DPP6: variants seen among roughly 807,000 people sequenced by gnomAD.
DPP6 encodes dipeptidyl peptidase like 6, also known as A-type potassium channel modulatory protein DPP6.
In DPP6, 69 loss-of-function variants were observed where a neutral mutation model predicts 122.6. The observed-to-expected ratio is 0.56, with a 90% CI of 0.46 to 0.69. The LOEUF (loss-of-function observed/expected upper bound fraction) is 0.69. Among genes scored for constraint, DPP6 ranks in the 30% least tolerant of loss-of-function variants. The pLI, the probability that DPP6 is intolerant of heterozygous loss-of-function variation, is 0.00. For synonymous variants in DPP6, 418 were observed against 433.1 expected, an observed-to-expected ratio of 0.97 and a Z score of 0.43; for missense variants, 928 against 1,116.9, an observed-to-expected ratio of 0.83 and a Z score of 2.41.
chr7:153,925,439 G>A (rs1392347763), intron 1 of DPP6, among the ~76,000 whole-genome samples: 5 of 151,834 alleles, frequency 3.3e-5, no homozygotes, highest in Admixed American at 2.0e-4. Flanking sequence ...ATCCTGCATG[G>A]TGGAAGGTCC....
chr7:154,465,055 A>G (rs1563714530), intron 2 of DPP6, among the ~76,000 whole-genome samples: 4 of 152,242 alleles, frequency 2.6e-5, no homozygotes, highest in Non-Finnish European at 1.5e-5. Context: ...AGTTACATGA[A>G]TGTGTTATCT....
At chr7:153,859,773 G>T in the DPP6 span, among the ~76,000 whole-genome samples, 7 of 152,332 alleles carry the variant, frequency 4.6e-5, no homozygotes, top group South Asian at 1.4e-3. Flanking sequence ...TTATGATCAT[G>T]GCAGAAGGCA....
intron 1 of DPP6, among the ~76,000 whole-genome samples, chr7:153,901,658 G>T (rs1481410181): frequency 6.6e-6 from 1 of 152,174 alleles, no homozygotes; most frequent in Non-Finnish European, 1.5e-5. Context: ...TGTTCAATAG[G>T]GTTATACCCT....
At chr7:154,834,663 G>A (rs149916592) in intron 16 of DPP6, among the ~76,000 whole-genome samples, 6 of 152,340 alleles carry the variant, frequency 3.9e-5, no homozygotes, top group Non-Finnish European at 7.4e-5. Context: ...GAGCAGAAGC[G>A]CTAAAGCGTA....
chr7:153,840,509 T>C, the DPP6 span, among the ~76,000 whole-genome samples: 1 of 152,010 alleles, frequency 6.6e-6, no homozygotes, highest in Non-Finnish European at 1.5e-5. Context: ...CTGCTCTGGA[T>C]GCTTTAACCA....
chr7:154,486,383 C>T lies in DPP6; in HGVS notation c.457+11346C>T, dbSNP rs1823800303. 6.6e-6 allele frequency among the ~76,000 whole-genome samples: 1 copy of T among 152,128 alleles called. No homozygotes were observed. The highest frequency in any genetic ancestry group is 6.5e-5 in the Admixed American group (1 of 15,276). The stretch of plus-strand genomic sequence containing the variant: ...TACTGACCTCGTGATCTGCCTACCT[C>T]GACCACCTAAAGTGCTGGGATTACG... On this transcript the variant is annotated intron_variant, in intron 3 of 25. Coordinates refer to ENST00000377770, the MANE Select transcript of DPP6 (RefSeq NM_130797.4). This position sits in a 1 kb window ranked among gnomAD's most constrained non-coding sequence, Gnocchi z 4.5.
At chr7:154,861,765 C>G (rs770550169) in intron 17 of DPP6, among the ~76,000 whole-genome samples, 9 of 152,154 alleles carry the variant, frequency 5.9e-5, no homozygotes, top group Non-Finnish European at 1.0e-4. Flanking sequence ...AGTTCATGAG[C>G]ACACCTGACT....
chr7:154,297,437 A>G (rs1157108605), intron 1 of DPP6, among the ~76,000 whole-genome samples: 1 of 152,222 alleles, frequency 6.6e-6, no homozygotes, highest in Non-Finnish European at 1.5e-5. Context: ...TTAGATGCTC[A>G]TGCACTTGCT....
intron 3 of DPP6, among the ~76,000 whole-genome samples, chr7:154,476,733 C>A (rs985846412): frequency 6.6e-6 from 1 of 152,076 alleles, no homozygotes; most frequent in Non-Finnish European, 1.5e-5. Flanking sequence ...TTGGGGGAAC[C>A]AAAACCAAGC....
chr7:154,552,792 T>G (rs2130389633), intron 4 of DPP6, among the ~76,000 whole-genome samples: 1 of 152,324 alleles, frequency 6.6e-6, no homozygotes, highest in South Asian at 2.1e-4. Flanking sequence ...GTTGTCCTTT[T>G]CATTGGAGGG....
chr7:154,846,631 C>G (rs76682429), intron 16 of DPP6, among the ~76,000 whole-genome samples: 2,001 of 152,276 alleles, frequency 0.013, 45 homozygotes, highest in African/African-American at 0.045. Context: ...GCAGTCTTAC[C>G]CGTGTGCAAA....
the DPP6 span, among the ~76,000 whole-genome samples, chr7:153,768,297 G>A: frequency 3.8e-3 from 577 of 149,998 alleles, 6 homozygotes; most frequent in African/African-American, 0.013. Context: ...TAAAGGAGAG[G>A]GTACCATATG....
At chr7:154,034,777 C>T (rs1358732640) in intron 1 of DPP6, among the ~76,000 whole-genome samples, 1 of 151,024 alleles carries the variant, frequency 6.6e-6, no homozygotes, top group Non-Finnish European at 1.5e-5. Context: ...TTCAATTGCA[C>T]TTGTGTTTCC....
chr7:154,255,774 C>T (rs1802619106), intron 1 of DPP6, among the ~76,000 whole-genome samples: 2 of 152,182 alleles, frequency 1.3e-5, no homozygotes, highest in Non-Finnish European at 1.5e-5. Context: ...AATGCTTTGA[C>T]ACTTAGAAGA....
chr7:153,923,206 A>G (rs998055047), intron 1 of DPP6, among the ~76,000 whole-genome samples: 2 of 152,192 alleles, frequency 1.3e-5, no homozygotes, highest in African/African-American at 4.8e-5. Flanking sequence ...CATCCTTAGA[A>G]TCCCAGTCTC....
At chr7:154,127,597 TCACACACA>T (rs71182879) in intron 1 of DPP6, among the ~76,000 whole-genome samples, 19,263 of 134,902 alleles carry the variant, frequency 0.14, 1,652 homozygotes, top group East Asian at 0.33. Context: ...GAGCAGCATC[TCACACACA>T]CACACACACA....
At chr7:154,389,353 T>C (rs923762607) in intron 1 of DPP6, among the ~76,000 whole-genome samples, 1 of 152,168 alleles carries the variant, frequency 6.6e-6, no homozygotes, top group Non-Finnish European at 1.5e-5. Context: ...ATCTAGATAT[T>C]TTCATTTCAG....
At chr7:154,837,328 C>A (rs1239442458) in intron 16 of DPP6, among the ~76,000 whole-genome samples, 2 of 150,986 alleles carry the variant, frequency 1.3e-5, no homozygotes, top group South Asian at 2.1e-4. Context: ...CATGCACACA[C>A]ATGCATAACA....
the DPP6 span, among the ~76,000 whole-genome samples, chr7:153,784,443 T>C: frequency 6.6e-6 from 1 of 152,250 alleles, no homozygotes; most frequent in Admixed American, 6.5e-5. Context: ...GAATAATTTA[T>C]ATCATTGCAA....
Sources: allele counts gnomAD v4.1 joint callset (sites outside exome capture counted in the v4.1 genomes callset), GRCh38; gene constraint gnomAD v4.1.1; non-coding constraint Gnocchi (gnomAD v3.1); transcripts MANE v1.5; gene names NCBI Gene and HGNC (gene_info 2026-07-23, HGNC 2026-07-21).